The following STARD13 variants were observed in gnomAD, a reference collection of about 807,000 sequenced individuals.
STARD13 encodes StAR related lipid transfer domain containing 13.
A neutral mutation model predicts 106.4 loss-of-function variants in STARD13; 62 were observed. That is an observed-to-expected ratio of 0.58 (90% CI 0.48 to 0.72). The LOEUF is 0.72. STARD13 is among the 30% of genes least tolerant of loss of function. STARD13 has a pLI of 0.00. For missense variants in STARD13, 1,387 were observed against 1,424.0 expected (o/e 0.97, Z 0.42); for synonymous variants, 565 against 553.0 (o/e 1.02, Z -0.31).
At chr13:33,578,701 A>C in the STARD13 span, among the ~76,000 whole-genome samples, 2 of 152,314 alleles carry the variant, frequency 1.3e-5, no homozygotes, top group Admixed American at 1.3e-4. Context: ...AATAATCATC[A>C]GAGTAAACAG....
At chr13:33,669,011 A>T in the STARD13 span, among the ~76,000 whole-genome samples, 10 of 152,260 alleles carry the variant, frequency 6.6e-5, no homozygotes, top group Non-Finnish European at 1.5e-4. Context: ...GAAAATGGAC[A>T]GAGAAAAGTT....
intron 1 of STARD13, among the ~76,000 whole-genome samples, chr13:33,238,336 C>T (rs1293629832): frequency 6.6e-6 from 1 of 151,998 alleles, no homozygotes; most frequent in Non-Finnish European, 1.5e-5. Context: ...TCCTAAGGCA[C>T]TATAATGGAC....
At chr13:33,558,601 TAGAA>T in the STARD13 span, among the ~76,000 whole-genome samples, 1 of 151,980 alleles carries the variant, frequency 6.6e-6, no homozygotes, top group Non-Finnish European at 1.5e-5. Flanking sequence ...GTGAAAGAAA[TAGAA>T]AGGAATTACT....
In STARD13 at chr13:33,181,271, T is replaced by TAC. The variant is rs59405682; in HGVS notation, c.170-13651_170-13650dup. On this transcript the variant is annotated intron_variant, in intron 1 of 13. Coordinates refer to ENST00000336934, the MANE Select transcript of STARD13 (RefSeq NM_178006.4). ...TCTCTGTCTTTCACTCACACATACA[T>TAC]ACACACACACACACACACACACACA... 8.1e-3 allele frequency among the ~76,000 whole-genome samples: 1,147 copies of TAC among 142,384 alleles called. 14 individuals are homozygous for TAC. The highest frequency in any genetic ancestry group is 0.026 in the Middle Eastern group (7 of 268). 93.4% of individuals were successfully genotyped at this position (142,384 alleles called of 152,430 possible). A position where few individuals can be genotyped will look rare whatever the true frequency, so the allele number is the denominator to read the frequency against.
the STARD13 span, among the ~76,000 whole-genome samples, chr13:33,533,067 G>A: frequency 6.6e-6 from 1 of 152,152 alleles, no homozygotes; most frequent in Admixed American, 6.5e-5. Context: ...AGGCCAATCC[G>A]AGAATTGTGT....
chr13:33,647,679 G>A, the STARD13 span, among the ~76,000 whole-genome samples: 1 of 152,210 alleles, frequency 6.6e-6, no homozygotes, highest in South Asian at 2.1e-4. Context: ...TGTTCATAAT[G>A]TGGTTATGTA....
chr13:33,422,692 C>A, the STARD13 span, among the ~76,000 whole-genome samples: 2 of 152,192 alleles, frequency 1.3e-5, no homozygotes, highest in Non-Finnish European at 2.9e-5. Flanking sequence ...TGACTTCGAA[C>A]TTTACTACAA....
At chr13:33,481,528 T>G in the STARD13 span, among the ~76,000 whole-genome samples, 1 of 152,086 alleles carries the variant, frequency 6.6e-6, no homozygotes, top group East Asian at 1.9e-4. Flanking sequence ...CAAAGTCCAG[T>G]CTGTGTGAAA....
Position 33,118,325 on chromosome 13 carries a change from A to C in STARD13, c.2083-62T>G, listed in dbSNP as rs543169279. 2.8e-6 allele frequency: 4 copies of C among 1,421,442 alleles called. No individual in the cohort carries two copies. In the East Asian group the frequency reaches 6.8e-5, roughly 24 times the overall value. The allele number at this position is 1,421,442 out of a possible 1,614,324, so 88.1% of individuals were successfully genotyped here. On this transcript the variant is annotated intron_variant, in intron 7 of 13. Transcript: ENST00000336934. ...CACTTGGTTGTGAGGAGGAGGAGGA[A>C]GCATGGGAAGGGAACTGGATGAGCT...
intron 1 of STARD13, among the ~76,000 whole-genome samples, chr13:33,263,684 A>G (rs1890754521): frequency 6.6e-6 from 1 of 152,190 alleles, no homozygotes; most frequent in South Asian, 2.1e-4. Flanking sequence ...GCTGGCATAC[A>G]TGGAATGTCA....
chr13:33,107,228 G>A (rs1053520889), intron 12 of STARD13, among the ~76,000 whole-genome samples: 15 of 152,184 alleles, frequency 9.9e-5, no homozygotes, highest in African/African-American at 3.4e-4. Flanking sequence ...GCCCATTCTC[G>A]AAGAGGTGGT....
chr13:33,350,320 A>G, exon 1 of STARD13: 12 of 1,533,864 alleles, frequency 7.8e-6, no homozygotes, highest in Non-Finnish European at 9.6e-6. Flanking sequence ...ACGTTCTTCC[A>G]CAGCAGATCC....
the STARD13 span, among the ~76,000 whole-genome samples, chr13:33,478,415 C>A: frequency 6.6e-6 from 1 of 152,068 alleles, no homozygotes; most frequent in African/African-American, 2.4e-5. Context: ...TCAGGTATCA[C>A]CCAAAATATT....
chr13:33,290,950 A>G (rs1019288606), intron 1 of STARD13, among the ~76,000 whole-genome samples: 2 of 152,250 alleles, frequency 1.3e-5, no homozygotes, highest in Non-Finnish European at 2.9e-5. Flanking sequence ...CTTACCAGTC[A>G]TATTAATACC....
chr13:33,156,905 C>T (rs1262680624), intron 3 of STARD13, among the ~76,000 whole-genome samples: 1 of 151,990 alleles, frequency 6.6e-6, no homozygotes, highest in East Asian at 1.9e-4. Flanking sequence ...ATCATGTAAC[C>T]CTCATATCCT....
the STARD13 span, among the ~76,000 whole-genome samples, chr13:33,584,975 T>A: frequency 2.0e-5 from 3 of 152,292 alleles, no homozygotes; most frequent in South Asian, 2.1e-4. Flanking sequence ...GATGCCAGCA[T>A]CAGGCTTCCT....
chr13:33,524,610 C>G, the STARD13 span, among the ~76,000 whole-genome samples: 2 of 151,802 alleles, frequency 1.3e-5, no homozygotes, highest in Non-Finnish European at 2.9e-5. Flanking sequence ...AGTTTATAAA[C>G]TAAAAGTGAT....
At chr13:33,360,631 CAT>C in the STARD13 span, among the ~76,000 whole-genome samples, 1 of 8,152 alleles carries the variant, frequency 1.2e-4, no homozygotes, top group African/African-American at 4.4e-4. Context: ...ATTTAATATA[CAT>C]TTTCCTTCTG....
At position 33,105,717 on chromosome 13, in the gene STARD13, G is replaced by T; in HGVS notation, c.3225-7C>A. On this transcript the variant is annotated splice_polypyrimidine_tract_variant and splice_region_variant and intron_variant, in intron 13 of 13. Coordinates refer to ENST00000336934, the MANE Select transcript of STARD13 (RefSeq NM_178006.4). ...CCATTCTGGGGAGTGACCTCTGTGG[G>T]GAAAGAAATCAGAAAGGAAGTGGGA... 1 of 1,605,698 alleles carries T rather than the reference G, an allele frequency of 6.2e-7. No individual in the cohort carries two copies. The highest frequency in any genetic ancestry group is 8.5e-7 in the Non-Finnish European group (1 of 1,172,426).
Sources: allele counts gnomAD v4.1 joint callset (sites outside exome capture counted in the v4.1 genomes callset), GRCh38; gene constraint gnomAD v4.1.1; transcripts MANE v1.5; gene names NCBI Gene and HGNC (gene_info 2026-07-23, HGNC 2026-07-21).